The following PRKG1 variants were observed in gnomAD, a reference collection of about 807,000 sequenced individuals.
The protein encoded by PRKG1 is protein kinase cGMP-dependent 1, also known as cGMP-dependent protein kinase 1.
Under a neutral mutation model 88.1 loss-of-function variants are expected in PRKG1, and 35 were observed. The ratio of observed to expected loss-of-function variants is 0.40; its 90% CI spans 0.30 to 0.53. The LOEUF (loss-of-function observed/expected upper bound fraction) is 0.53. PRKG1 is among the 20% of genes least tolerant of loss of function. The pLI, the probability that PRKG1 is intolerant of heterozygous loss-of-function variation, is 0.59. For synonymous variants in PRKG1, 303 were observed against 292.5 expected, an observed-to-expected ratio of 1.04 and a Z score of -0.37; for missense variants, 540 against 839.8, an observed-to-expected ratio of 0.64 and a Z score of 4.41.
Position 51,674,489 on chromosome 10 carries a change from C to T in PRKG1, c.593-130096C>T, listed in dbSNP as rs533209566. 4.6e-5 allele frequency among the ~76,000 whole-genome samples: 7 copies of T among 152,108 alleles called. No individual in the cohort carries two copies. The East Asian group carries it at 9.7e-4, about 21-fold the overall frequency. On this transcript the variant is annotated intron_variant, in intron 3 of 17. Transcript: ENST00000373980. ...CTTTTTTAACTTCAAATTTTCATAT[C>T]GTATTAAATTTCTTATGATATGAAA...
In PRKG1 at chr10:51,082,510, T is replaced by A. The variant is rs143872157; in HGVS notation, c.311+7609T>A. On this transcript the variant is annotated intron_variant, in intron 1 of 17. Transcript: ENST00000373980. ...GTGTTGGAAGCTACATATCAGTAAT[T>A]TTTGATGATTCTCCATGTAACTTTA... Among the ~76,000 whole-genome samples the A allele has an allele frequency of 5.4e-3, 826 of 152,282 alleles. 8 individuals carry two copies. Among genetic ancestry groups the A allele is most frequent in the Non-Finnish European group, 5.7e-3 (390 of 68,018 alleles).
At chr10:52,194,012 A>G (rs1037919334) in intron 9 of PRKG1, among the ~76,000 whole-genome samples, 1 of 152,166 alleles carries the variant, frequency 6.6e-6, no homozygotes, top group Non-Finnish European at 1.5e-5. Flanking sequence ...TATATTTGGT[A>G]AAGATCAAAA....
At chr10:51,607,793 A>T (rs184946752) in intron 3 of PRKG1, among the ~76,000 whole-genome samples, 24 of 152,270 alleles carry the variant, frequency 1.6e-4, no homozygotes, top group Admixed American at 1.3e-3. Flanking sequence ...CAGTTCTTTC[A>T]ATTAGAGGAG....
chr10:51,967,279 G>A (rs1399409779), intron 5 of PRKG1, among the ~76,000 whole-genome samples: 2 of 152,090 alleles, frequency 1.3e-5, no homozygotes, highest in African/African-American at 4.8e-5. Context: ...GATGAAGCTG[G>A]AAACCATCAT....
chr10:51,049,908 T>G (rs913213100), intron 1 of PRKG1, among the ~76,000 whole-genome samples: 2 of 152,118 alleles, frequency 1.3e-5, no homozygotes, highest in African/African-American at 4.8e-5. Context: ...TTGCAAACAT[T>G]GTAATAAATT....
At chr10:52,029,858 A>G (rs1167654413) in intron 5 of PRKG1, among the ~76,000 whole-genome samples, 1 of 152,124 alleles carries the variant, frequency 6.6e-6, no homozygotes, top group Non-Finnish European at 1.5e-5. Context: ...TGGACAGTAC[A>G]TATCCTCAGG....
chr10:51,164,151 T>C (rs573534044), intron 2 of PRKG1, among the ~76,000 whole-genome samples: 8 of 152,138 alleles, frequency 5.3e-5, no homozygotes, highest in Admixed American at 2.0e-4. Flanking sequence ...CACCCCCCAG[T>C]AGGGGCAGAC....
intron 3 of PRKG1, among the ~76,000 whole-genome samples, chr10:51,677,256 A>G (rs545523645): frequency 1.3e-5 from 2 of 152,300 alleles, no homozygotes; most frequent in South Asian, 4.1e-4. Flanking sequence ...TGCATATACC[A>G]TAAAACCCAC....
intron 1 of PRKG1, among the ~76,000 whole-genome samples, chr10:51,020,526 A>G (rs893258912): frequency 2.0e-5 from 3 of 152,164 alleles, no homozygotes. Flanking sequence ...TGTGTCTGTT[A>G]TAATGTCTGT....
chr10:51,274,255 G>A (rs2132183929), intron 2 of PRKG1, among the ~76,000 whole-genome samples: 1 of 152,154 alleles, frequency 6.6e-6, no homozygotes. Flanking sequence ...AAACACTATG[G>A]TCATCCTTGA....
chr10:51,140,981 A>G (rs554335590), intron 1 of PRKG1, among the ~76,000 whole-genome samples: 1 of 152,286 alleles, frequency 6.6e-6, no homozygotes, highest in South Asian at 2.1e-4. Context: ...CAGGTTGAAG[A>G]GCCTATATCT....
At chr10:52,273,952 A>C (rs965397096) in intron 12 of PRKG1, among the ~76,000 whole-genome samples, 3 of 152,094 alleles carry the variant, frequency 2.0e-5, no homozygotes, top group Non-Finnish European at 4.4e-5. Flanking sequence ...CATTTGGCAT[A>C]TCTAATGTGT....
chr10:51,207,193 A>G (rs1265908328), intron 2 of PRKG1, among the ~76,000 whole-genome samples: 1 of 152,194 alleles, frequency 6.6e-6, no homozygotes, highest in Non-Finnish European at 1.5e-5. Context: ...TACATCATTA[A>G]TATCTGCTTC....
chr10:51,965,291 G>A (rs926344653), intron 5 of PRKG1, among the ~76,000 whole-genome samples: 5 of 152,026 alleles, frequency 3.3e-5, no homozygotes, highest in Non-Finnish European at 5.9e-5. Context: ...GTGTCCATGT[G>A]TTCTCATGAT....
At chr10:52,166,022 T>C (rs1008559443) in intron 9 of PRKG1, among the ~76,000 whole-genome samples, 1 of 152,202 alleles carries the variant, frequency 6.6e-6, no homozygotes, top group East Asian at 1.9e-4. Flanking sequence ...AAATTTTGCC[T>C]ATATGGCATG....
chr10:51,553,882 CGTGT>C (rs1564547129), intron 3 of PRKG1, among the ~76,000 whole-genome samples: 31 of 110,400 alleles, frequency 2.8e-4, no homozygotes, highest in African/African-American at 9.4e-4. Flanking sequence ...GTATTAGATA[CGTGT>C]ATATAATATA....
In PRKG1 at chr10:51,384,432, A is replaced by G. The variant is rs142056682; in HGVS notation, c.479-83291A>G. The stretch of plus-strand genomic sequence containing the variant: ...GAGTGGCGTGGGAGATTCGGATTTA[A>G]GGAGCCTGTTCTTCAATTGTGGCTT... On this transcript the variant is annotated intron_variant, in intron 2 of 17. Transcript: ENST00000373980. 2.9e-3 allele frequency among the ~76,000 whole-genome samples: 435 copies of G among 152,304 alleles called. 1 individual carries two copies. Among genetic ancestry groups the G allele is most frequent in the African/African-American group, 9.7e-3 (405 of 41,566 alleles).
At chr10:52,255,549 C>T (rs1841287315) in intron 10 of PRKG1, among the ~76,000 whole-genome samples, 1 of 151,956 alleles carries the variant, frequency 6.6e-6, no homozygotes, top group South Asian at 2.1e-4. Context: ...GGATTATATT[C>T]TTTCTGCATC....
At chr10:51,050,665 G>T (rs1277949213) in intron 1 of PRKG1, among the ~76,000 whole-genome samples, 1 of 152,042 alleles carries the variant, frequency 6.6e-6, no homozygotes, top group Non-Finnish European at 1.5e-5. Context: ...AGTTCCTCTG[G>T]CTATATACCC....
Sources: gnomAD v4.1 joint callset for allele counts (sites outside exome capture counted in the v4.1 genomes callset) on GRCh38, gnomAD v4.1.1 for gene constraint, MANE v1.5 for transcripts, NCBI Gene and HGNC (gene_info 2026-07-23, HGNC 2026-07-21) for gene names.